Variants in VDAC1 observed in about 807,000 individuals in gnomAD.
The protein encoded by VDAC1 is non-selective voltage-gated ion channel VDAC1.
Under a neutral mutation model 34.7 loss-of-function variants are expected in VDAC1, and 10 were observed. That is an observed-to-expected ratio of 0.29 (90% CI 0.18 to 0.49). VDAC1 has a LOEUF of 0.49. VDAC1 is among the 20% of genes least tolerant of loss of function. The pLI is 0.99. For missense variants in VDAC1, 230 were observed against 347.9 expected (o/e 0.66, Z 2.69); for synonymous variants, 130 against 136.0 (o/e 0.96, Z 0.30).
chr5:133,996,277 G>A (rs1434694094), intron 1 of VDAC1, among the ~76,000 whole-genome samples: 6 of 152,280 alleles, frequency 3.9e-5, no homozygotes, highest in South Asian at 2.1e-4. Context: ...AGAAGGACCA[G>A]CAAGTCACAC....
chr5:134,080,552 C>CGGAGGTA, the VDAC1 span, among the ~76,000 whole-genome samples: 4 of 150,530 alleles, frequency 2.7e-5, no homozygotes, highest in African/African-American at 7.3e-5. Flanking sequence ...GGTTAAGTCA[C>CGGAGGTA]CGAGGTACCA....
intron 1 of VDAC1, among the ~76,000 whole-genome samples, chr5:133,994,966 C>T (rs1156569981): frequency 1.3e-5 from 2 of 152,138 alleles, no homozygotes; most frequent in Non-Finnish European, 2.9e-5. Context: ...AGAGACGCCT[C>T]CCAGACACAG....
the VDAC1 span, among the ~76,000 whole-genome samples, chr5:134,023,943 G>A: frequency 1.3e-5 from 2 of 149,580 alleles, no homozygotes; most frequent in African/African-American, 2.5e-5. Context: ...GACCAGCCTG[G>A]CCAACATGGC....
At chr5:133,986,645 C>T (rs1752917859) in intron 5 of VDAC1, among the ~76,000 whole-genome samples, 1 of 152,148 alleles carries the variant, frequency 6.6e-6, no homozygotes, top group African/African-American at 2.4e-5. Context: ...CTCAGCATTC[C>T]AAAGTGCTGG....
At chr5:134,003,093 C>CT (rs74420467) in intron 1 of VDAC1, among the ~76,000 whole-genome samples, 37,773 of 152,120 alleles carry the variant, frequency 0.25, 5,055 homozygotes, top group Admixed American at 0.3. Context: ...TAGTAAAACT[C>CT]TGTCAGTAAA....
rs1350095721 is a variant in VDAC1, at chr5:133,981,248, C to T, written c.324-292G>A. On this transcript the variant is annotated intron_variant, in intron 5 of 8. Transcript: ENST00000265333. ...TCTCCTATCCTCTTTGTATGCTTAA[C>T]GTAGCAGCCTACACAGGCATTCATT... 7.9e-5 allele frequency among the ~76,000 whole-genome samples: 12 copies of T among 152,140 alleles called. No individual in the cohort carries two copies. The East Asian group carries it at 2.1e-3, about 27-fold the overall frequency.
At chr5:134,018,166 TGTGA>T in the VDAC1 span, among the ~76,000 whole-genome samples, 1 of 152,332 alleles carries the variant, frequency 6.6e-6, no homozygotes, top group African/African-American at 2.4e-5. Context: ...TGGTGAGGCC[TGTGA>T]GTGTCTCCTA....
At chr5:134,039,166 G>A in the VDAC1 span, among the ~76,000 whole-genome samples, 2 of 151,974 alleles carry the variant, frequency 1.3e-5, no homozygotes, top group East Asian at 3.9e-4. Context: ...CCTTGCCTGT[G>A]GGCCAAGACC....
chr5:134,016,299 G>A, the VDAC1 span, among the ~76,000 whole-genome samples: 2 of 152,206 alleles, frequency 1.3e-5, no homozygotes, highest in African/African-American at 2.4e-5. Flanking sequence ...CTGTGCACAT[G>A]GCTGTGATGG....
At chr5:134,059,106 T>C in the VDAC1 span, among the ~76,000 whole-genome samples, 100,696 of 152,182 alleles carry the variant, frequency 0.66, 33,700 homozygotes, top group East Asian at 0.79. Flanking sequence ...ACAGGCCTTC[T>C]GTCCTAGCAG....
At chr5:134,023,028 T>C in the VDAC1 span, among the ~76,000 whole-genome samples, 112 of 152,302 alleles carry the variant, frequency 7.4e-4, 4 homozygotes, top group East Asian at 0.018. Context: ...GGCACGCATA[T>C]GTTTACTGCA....
At chr5:134,108,829 T>G in the VDAC1 span, among the ~76,000 whole-genome samples, 3 of 152,138 alleles carry the variant, frequency 2.0e-5, no homozygotes, top group Non-Finnish European at 2.9e-5. Context: ...AGGGACCCTA[T>G]GGGGTCAAAG....
chr5:134,045,842 G>T, the VDAC1 span, among the ~76,000 whole-genome samples: 1 of 151,624 alleles, frequency 6.6e-6, no homozygotes, highest in East Asian at 1.9e-4. Flanking sequence ...ACACCACCAC[G>T]CCTGGCTAAT....
the VDAC1 span, among the ~76,000 whole-genome samples, chr5:134,041,541 C>T: frequency 6.6e-6 from 1 of 152,214 alleles, no homozygotes; most frequent in Non-Finnish European, 1.5e-5. Flanking sequence ...TGGACATCAG[C>T]GCTGTGAGTG....
At chr5:134,063,155 TA>T in the VDAC1 span, among the ~76,000 whole-genome samples, 5 of 152,202 alleles carry the variant, frequency 3.3e-5, no homozygotes, top group African/African-American at 1.2e-4. Flanking sequence ...CTCAAGTTAA[TA>T]TATGAATATA....
At chr5:134,048,993 C>G in the VDAC1 span, among the ~76,000 whole-genome samples, 1 of 152,176 alleles carries the variant, frequency 6.6e-6, no homozygotes, top group East Asian at 1.9e-4. Flanking sequence ...ACAGGGCTTA[C>G]TCTGTGCTAA....
intron 5 of VDAC1, among the ~76,000 whole-genome samples, chr5:133,981,554 C>T (rs1752699716): frequency 6.6e-6 from 1 of 152,176 alleles, no homozygotes; most frequent in South Asian, 2.1e-4. Flanking sequence ...TGGAACTCTG[C>T]AGTCATGGGG....
intron 1 of VDAC1, among the ~76,000 whole-genome samples, chr5:134,003,625 G>GC (rs35436765): frequency 0.11 from 16,666 of 152,274 alleles, 1,017 homozygotes; most frequent in South Asian, 0.21. Context: ...GCCACGTGTA[G>GC]CAAAATGGTC....
At chr5:134,007,768 A>G (rs916730809), upstream of VDAC1, among the ~76,000 whole-genome samples, 1 of 152,182 alleles carries the variant, frequency 6.6e-6, no homozygotes, top group Non-Finnish European at 1.5e-5. Flanking sequence ...CACAGAACAG[A>G]GAATGGAGCA....
Sources: allele counts gnomAD v4.1 joint callset (sites outside exome capture counted in the v4.1 genomes callset), GRCh38; gene constraint gnomAD v4.1.1; transcripts MANE v1.5; gene names NCBI Gene and HGNC (gene_info 2026-07-23, HGNC 2026-07-21).